The following CTNNBIP1 variants were observed in gnomAD, a reference collection of about 807,000 sequenced individuals.
CTNNBIP1 encodes the protein catenin beta interacting protein 1.
CTNNBIP1 carries 7 observed loss-of-function variants against 11.8 expected under a neutral mutation model. That is an observed-to-expected ratio of 0.60 (90% CI 0.34 to 1.12). CTNNBIP1 has a LOEUF of 1.12. Among genes scored for constraint, CTNNBIP1 ranks in the 50% most tolerant of loss-of-function variants. The pLI, the probability that CTNNBIP1 is intolerant of heterozygous loss-of-function variation, is 0.03. For synonymous variants in CTNNBIP1, 58 were observed against 43.9 expected, an observed-to-expected ratio of 1.32 and a Z score of -1.26; for missense variants, 101 against 113.4, an observed-to-expected ratio of 0.89 and a Z score of 0.50.
Position 9,908,515 on chromosome 1 carries a change from C to T in CTNNBIP1, c.-144+1580G>A, listed in dbSNP as rs541409141. Among the ~76,000 whole-genome samples the T allele has an allele frequency of 9.8e-4, 149 of 151,910 alleles. 1 individual carries two copies. The highest frequency in any genetic ancestry group is 3.4e-3 in the Middle Eastern group (1 of 294). On this transcript the variant is annotated intron_variant, in intron 1 of 5. Transcript: ENST00000377263. The stretch of plus-strand genomic sequence containing the variant: ...CAGCCTCTCCGAGTAGCTGGGACTA[C>T]AGGTGCCCACCACCACGCCCAGCTA...
intron 5 of CTNNBIP1, among the ~76,000 whole-genome samples, chr1:9,855,166 A>T (rs941946022): frequency 5.3e-5 from 8 of 152,122 alleles, no homozygotes; most frequent in African/African-American, 1.9e-4. Flanking sequence ...GCAAATTTTT[A>T]TGCTTTGAAT....
chr1:9,906,929 A>G (rs571263462), intron 1 of CTNNBIP1, among the ~76,000 whole-genome samples: 1 of 152,164 alleles, frequency 6.6e-6, no homozygotes, highest in East Asian at 1.9e-4. Flanking sequence ...TGGCCTCAGA[A>G]AGCTTAGAGT....
At chr1:9,877,361 T>C (rs1638991104) in intron 3 of CTNNBIP1, among the ~76,000 whole-genome samples, 1 of 152,176 alleles carries the variant, frequency 6.6e-6, no homozygotes, top group South Asian at 2.1e-4. Context: ...CCTTTTTATT[T>C]TTAAACTGGA....
intron 1 of CTNNBIP1, chr1:9,893,131 A>T (rs1639343270): frequency 6.6e-6 from 1 of 152,292 alleles, no homozygotes; most frequent in Non-Finnish European, 1.5e-5. Flanking sequence ...CACTTGCTCC[A>T]GAAGAGGGGA....
intron 5 of CTNNBIP1, among the ~76,000 whole-genome samples, chr1:9,866,147 G>C (rs906030123): frequency 6.6e-6 from 1 of 152,370 alleles, no homozygotes; most frequent in African/African-American, 2.4e-5. Context: ...GATGGATTAG[G>C]AGACAGTGTG....
At chr1:9,860,518 G>A (rs1008124175) in intron 5 of CTNNBIP1, among the ~76,000 whole-genome samples, 1 of 150,524 alleles carries the variant, frequency 6.6e-6, no homozygotes, top group African/African-American at 2.5e-5. Flanking sequence ...GCTGAGGCAG[G>A]AGAGTCGCTT....
rs1192805856 is a variant in CTNNBIP1, at chr1:9,860,436, AAAAAAAAAAAAAAAAAAAC to A, written c.188-9679_188-9661del. ...TGAAACCCCGTCTCTACTAAAAAAA[AAAAAAAAAAAAAAAAAAAC>A]AAAACTTAGCTGGGCGTAGTGGCAT... On this transcript the variant is annotated intron_variant, in intron 5 of 5. Coordinates refer to ENST00000377263, the MANE Select transcript of CTNNBIP1 (RefSeq NM_020248.3). Among the ~76,000 whole-genome samples, 23 of 149,622 alleles carry A rather than the reference AAAAAAAAAAAAAAAAAAAC, an allele frequency of 1.5e-4. No homozygotes were observed. The East Asian group carries it at 4.3e-3, about 28-fold the overall frequency.
At chr1:9,864,542 A>C (rs954585827) in intron 5 of CTNNBIP1, among the ~76,000 whole-genome samples, 4 of 152,092 alleles carry the variant, frequency 2.6e-5, no homozygotes, top group Non-Finnish European at 5.9e-5. Context: ...GTTAGCCAGG[A>C]TGGTCTCAAT....
At chr1:9,880,842 A>G (rs1235510962) in intron 2 of CTNNBIP1, among the ~76,000 whole-genome samples, 1 of 152,166 alleles carries the variant, frequency 6.6e-6, no homozygotes, top group African/African-American at 2.4e-5. Context: ...CCGTGAGGCC[A>G]GTGATTGCTC....
chr1:9,884,330 G>T (rs1040650349), intron 1 of CTNNBIP1, among the ~76,000 whole-genome samples: 1 of 152,150 alleles, frequency 6.6e-6, no homozygotes, highest in South Asian at 2.1e-4. Flanking sequence ...TTGGGGCAGG[G>T]CAGTCTGGGG....
intron 5 of CTNNBIP1, among the ~76,000 whole-genome samples, chr1:9,858,546 G>C (rs566920650): frequency 1.2e-4 from 18 of 152,254 alleles, no homozygotes; most frequent in Non-Finnish European, 1.3e-4. Flanking sequence ...TCTTCTCCAA[G>C]TTTATCCCAT....
chr1:9,884,689 G>GA (rs2101513263), intron 1 of CTNNBIP1, among the ~76,000 whole-genome samples: 1 of 152,332 alleles, frequency 6.6e-6, no homozygotes, highest in South Asian at 2.1e-4. Flanking sequence ...ACATCCTAGA[G>GA]AGAGGGGAGG....
At chr1:9,905,638 C>T (rs946024156) in intron 1 of CTNNBIP1, among the ~76,000 whole-genome samples, 2 of 151,198 alleles carry the variant, frequency 1.3e-5, no homozygotes, top group Admixed American at 6.6e-5. Flanking sequence ...CACCATGTTA[C>T]CCAGGATGGT....
At chr1:9,866,856 G>T (rs1233396839) in intron 5 of CTNNBIP1, among the ~76,000 whole-genome samples, 1 of 152,004 alleles carries the variant, frequency 6.6e-6, no homozygotes, top group Non-Finnish European at 1.5e-5. Context: ...GTCCAAGAGG[G>T]GGCTGGAAAT....
intron 1 of CTNNBIP1, among the ~76,000 whole-genome samples, chr1:9,908,613 C>G (rs1023490140): frequency 4.0e-5 from 6 of 150,134 alleles, no homozygotes; most frequent in African/African-American, 1.5e-4. Context: ...CCGCCCGCCT[C>G]GGCCTCCCAA....
chr1:9,892,110 C>CA (rs1553192098), intron 1 of CTNNBIP1, among the ~76,000 whole-genome samples: 7 of 148,516 alleles, frequency 4.7e-5, no homozygotes, highest in Non-Finnish European at 8.9e-5. Flanking sequence ...CTGGCTTCTA[C>CA]AAAAAATCTT....
intron 1 of CTNNBIP1, among the ~76,000 whole-genome samples, chr1:9,885,831 C>G (rs1416802999): frequency 3.3e-5 from 5 of 151,600 alleles, no homozygotes; most frequent in East Asian, 1.9e-4. Context: ...ACTTGGGAGG[C>G]TGAGGCAGGA....
At chr1:9,901,248 G>T (rs1639515254) in intron 1 of CTNNBIP1, among the ~76,000 whole-genome samples, 2 of 152,244 alleles carry the variant, frequency 1.3e-5, no homozygotes, top group South Asian at 4.1e-4. Context: ...AAGGGTGCAA[G>T]TCAGGGTCAG....
chr1:9,858,518 C>A (rs1413186620), intron 5 of CTNNBIP1, among the ~76,000 whole-genome samples: 1 of 152,204 alleles, frequency 6.6e-6, no homozygotes, highest in Admixed American at 6.5e-5. Context: ...GCACCTGCCG[C>A]TTCTGTTGCC....
Sources: allele counts gnomAD v4.1 joint callset (sites outside exome capture counted in the v4.1 genomes callset), GRCh38; gene constraint gnomAD v4.1.1; transcripts MANE v1.5; gene names NCBI Gene and HGNC (gene_info 2026-07-23, HGNC 2026-07-21).